MPPED1: variants seen among roughly 807,000 people sequenced by gnomAD.
MPPED1 encodes the protein metallophosphoesterase domain-containing protein 1.
Under a neutral mutation model 36.2 loss-of-function variants are expected in MPPED1, and 16 were observed. The observed-to-expected ratio is 0.44, with a 90% CI of 0.30 to 0.67. The LOEUF (loss-of-function observed/expected upper bound fraction) is 0.67, where lower values mean the gene tolerates loss of function less well. Among genes scored for constraint, MPPED1 ranks in the 30% least tolerant of loss-of-function variants. The pLI is 0.10. For missense variants in MPPED1, 307 were observed against 453.4 expected, an observed-to-expected ratio of 0.68 and a Z score of 2.93; for synonymous variants, 199 against 191.3, an observed-to-expected ratio of 1.04 and a Z score of -0.33.
intron 3 of MPPED1, among the ~76,000 whole-genome samples, chr22:43,448,844 C>A (rs981771546): frequency 6.6e-6 from 1 of 152,134 alleles, no homozygotes; most frequent in Admixed American, 6.5e-5. Flanking sequence ...CTCAAGTGAT[C>A]CACCTTGGGC....
At chr22:43,456,937 C>A (rs1930776708) in intron 3 of MPPED1, among the ~76,000 whole-genome samples, 2 of 152,172 alleles carry the variant, frequency 1.3e-5, no homozygotes, top group African/African-American at 4.8e-5. Flanking sequence ...ACCTTACATT[C>A]CTGAGTTCAA....
intron 2 of MPPED1, among the ~76,000 whole-genome samples, chr22:43,433,676 C>A (rs1422795634): frequency 2.0e-5 from 3 of 151,370 alleles, no homozygotes; most frequent in Non-Finnish European, 4.4e-5. Context: ...GCGGATGGAG[C>A]GCGCTAGTGC....
intron 3 of MPPED1, among the ~76,000 whole-genome samples, chr22:43,463,682 A>G (rs1931035888): frequency 6.6e-6 from 1 of 152,172 alleles, no homozygotes; most frequent in Non-Finnish European, 1.5e-5. Context: ...TTATCTCACC[A>G]AGGATGTCAA....
At chr22:43,412,217 CG>C (rs1053310847) in intron 1 of MPPED1, 59 bp downstream of exon 1, 24 of 911,376 alleles carry the variant, frequency 2.6e-5, no homozygotes, top group South Asian at 4.9e-5. Flanking sequence ...GCGCGGGGCG[CG>C]GCCGGGACCC....
Position 43,498,114 on chromosome 22 carries a change from C to G in MPPED1, c.633-121C>G, listed in dbSNP as rs537145396. On this transcript the variant is annotated intron_variant, in intron 4 of 6. Coordinates refer to ENST00000443721, the MANE Select transcript of MPPED1 (RefSeq NM_001044370.2). The stretch of plus-strand genomic sequence containing the variant: ...TGCCTTCCCTAGGTGGAGACCTTCC[C>G]TGGGTCTCCAGGTAGCGAGCTGGTC... 108 of 690,600 alleles carry G rather than the reference C, an allele frequency of 1.6e-4. 1 individual carries two copies. In the South Asian group the frequency reaches 2.0e-3, roughly 12 times the overall value. The allele number at this position is 690,600 out of a possible 1,614,324, so 42.8% of individuals were successfully genotyped here.
intron 5 of MPPED1, among the ~76,000 whole-genome samples, chr22:43,500,191 TGGAGGTGGTAATGGA>T (rs1932641520): frequency 3.1e-5 from 2 of 65,478 alleles, no homozygotes; most frequent in East Asian, 3.9e-4. Flanking sequence ...GTGATGGTGA[TGGAGGTGGTAATGGA>T]GGTGGTGGGG....
At chr22:43,463,066 A>C (rs1250018523) in intron 3 of MPPED1, among the ~76,000 whole-genome samples, 1 of 151,672 alleles carries the variant, frequency 6.6e-6, no homozygotes, top group Non-Finnish European at 1.5e-5. Flanking sequence ...TTTGGAAGGC[A>C]TTTTTCCTTT....
At chr22:43,459,846 G>T (rs1367177844) in intron 3 of MPPED1, among the ~76,000 whole-genome samples, 1 of 152,036 alleles carries the variant, frequency 6.6e-6, no homozygotes, top group Non-Finnish European at 1.5e-5. Context: ...GATTTCTATT[G>T]ACTGCTCTTT....
rs117720761 is a variant in MPPED1 at position 43,441,655 on chromosome 22, C to T, written c.406+6440C>T. On this transcript the variant is annotated intron_variant, in intron 3 of 6. Transcript: ENST00000443721. Reference sequence around the variant, plus strand: ...GAAGTTATAATTAAGTTTGCACTGGCGCCTGAGCATAACACGATATATGAG... The same window carrying T: ...GAAGTTATAATTAAGTTTGCACTGGTGCCTGAGCATAACACGATATATGAG... 4.0e-3 allele frequency among the ~76,000 whole-genome samples: 612 copies of T among 152,254 alleles called. 9 individuals carry two copies. Among genetic ancestry groups the T allele is most frequent in the East Asian group, 0.032 (166 of 5,186 alleles).
chr22:43,423,958 C>T (rs777525973), intron 1 of MPPED1, among the ~76,000 whole-genome samples: 12 of 152,158 alleles, frequency 7.9e-5, no homozygotes, highest in African/African-American at 2.2e-4. Flanking sequence ...ACTAACGAGG[C>T]GTCGGCCATT....
chr22:43,500,272 AGGTGGCGGTGGTGATGGGGGT>A (rs1569091841), intron 5 of MPPED1, among the ~76,000 whole-genome samples: 2 of 8,250 alleles, frequency 2.4e-4, no homozygotes, highest in African/African-American at 2.0e-3. Context: ...ATGGTGATGG[AGGTGGCGGTGGTGATGGGGGT>A]GGTGGTGGTG....
chr22:43,414,239 A>G (rs1409427628), intron 1 of MPPED1, among the ~76,000 whole-genome samples: 1 of 152,232 alleles, frequency 6.6e-6, no homozygotes, highest in Non-Finnish European at 1.5e-5. Context: ...CATCCAATGA[A>G]TGTGGCTTAA....
At chr22:43,437,271 G>T (rs564004641) in intron 3 of MPPED1, among the ~76,000 whole-genome samples, 1 of 152,204 alleles carries the variant, frequency 6.6e-6, no homozygotes, top group East Asian at 1.9e-4. Context: ...GGACAGGGTC[G>T]TTTTTTCTAT....
At chr22:43,492,809 G>A (rs1345809749) in intron 4 of MPPED1, among the ~76,000 whole-genome samples, 2 of 152,200 alleles carry the variant, frequency 1.3e-5, no homozygotes, top group East Asian at 3.8e-4. Flanking sequence ...GGGGACTGGG[G>A]AGGTGGTGGT....
intron 3 of MPPED1, among the ~76,000 whole-genome samples, chr22:43,455,348 G>A (rs999290558): frequency 6.6e-6 from 1 of 152,086 alleles, no homozygotes; most frequent in Non-Finnish European, 1.5e-5. Flanking sequence ...GACCTCAGGT[G>A]ATCCATCCAT....
At chr22:43,438,650 C>A (rs1930046079) in intron 3 of MPPED1, among the ~76,000 whole-genome samples, 1 of 151,998 alleles carries the variant, frequency 6.6e-6, no homozygotes, top group African/African-American at 2.4e-5. Flanking sequence ...GTTTTACCTT[C>A]TTCTTTAGGA....
At chr22:43,427,407 C>T (rs4822290) in intron 2 of MPPED1, among the ~76,000 whole-genome samples, 73,165 of 151,644 alleles carry the variant, frequency 0.48, 18,585 homozygotes, top group Non-Finnish European at 0.57. Context: ...GCAGAAGGGG[C>T]GGCAGGTCGG....
chr22:43,479,914 G>T (rs948051492), intron 4 of MPPED1, among the ~76,000 whole-genome samples: 2 of 152,158 alleles, frequency 1.3e-5, no homozygotes, highest in African/African-American at 4.8e-5. Flanking sequence ...CCTAGCTGGA[G>T]TACAGTGGTA....
chr22:43,496,418 G>A (rs1480641445), intron 4 of MPPED1, among the ~76,000 whole-genome samples: 2 of 103,946 alleles, frequency 1.9e-5, no homozygotes, highest in East Asian at 6.7e-4. Flanking sequence ...GGTGATGGAG[G>A]TGGTGGTGGT....
Sources: allele counts gnomAD v4.1 joint callset (sites outside exome capture counted in the v4.1 genomes callset), GRCh38; gene constraint gnomAD v4.1.1; transcripts MANE v1.5; gene names NCBI Gene and HGNC (gene_info 2026-07-23, HGNC 2026-07-21).